Variants in ZNRF3 observed in about 807,000 individuals in gnomAD.
ZNRF3 encodes E3 ubiquitin-protein ligase ZNRF3.
Under a neutral mutation model 72.5 loss-of-function variants are expected in ZNRF3, and 23 were observed. The observed-to-expected ratio is 0.32, with a 90% CI of 0.23 to 0.45. The LOEUF is 0.45. Ranked by LOEUF, ZNRF3 falls within the 20% of genes least tolerant of loss-of-function variation. ZNRF3 has a pLI of 1.00. For missense variants in ZNRF3, 1,169 were observed against 1,272.1 expected, an observed-to-expected ratio of 0.92 and a Z score of 1.23; for synonymous variants, 610 against 545.3, an observed-to-expected ratio of 1.12 and a Z score of -1.65.
chr22:29,014,737 T>C (rs1166275930), intron 2 of ZNRF3, among the ~76,000 whole-genome samples: 1 of 152,224 alleles, frequency 6.6e-6, no homozygotes, highest in Non-Finnish European at 1.5e-5. Context: ...ATGGGGCTCC[T>C]GGTCAGTAGA....
rs530570836 is a variant in ZNRF3 at position 28,987,061 on chromosome 22, C to G, written c.301-15C>G. ...AGCTTGCCTGCTGAAGTTTTCTTTC[C>G]ATTTTATTTCCTAGATGCACCCACT... On this transcript the variant is annotated splice_polypyrimidine_tract_variant and intron_variant, in intron 1 of 8. Transcript: ENST00000544604. The G allele has an allele frequency of 3.7e-5, 59 of 1,600,600 alleles. No individual in the cohort carries two copies. In the African/African-American group the frequency reaches 5.0e-4, roughly 13 times the overall value.
At position 29,030,784 on chromosome 22, in the gene ZNRF3, G is replaced by T. The variant is rs2036733102; in HGVS notation, c.427-11711G>T. ...CCTGCAGGGCGGTACACGACGGGTG[G>T]GAGTGGGGAGGAGGAGGGCTCCTGG... is the stretch of plus-strand genomic sequence containing the variant. On this transcript the variant is annotated intron_variant, in intron 2 of 8. Coordinates refer to ENST00000544604, the MANE Select transcript of ZNRF3 (RefSeq NM_001206998.2). This position sits in a 1 kb window ranked among gnomAD's most constrained non-coding sequence, Gnocchi z 4.2. 1.3e-5 allele frequency among the ~76,000 whole-genome samples: 2 copies of T among 152,102 alleles called. No homozygotes were observed.
chr22:29,053,658 G>A lies in ZNRF3; in HGVS notation c.*36G>A, dbSNP rs771444558. 1.3e-6 allele frequency: 2 copies of A among 1,587,120 alleles called. No homozygotes were observed. Among genetic ancestry groups the A allele is most frequent in the Admixed American group, 1.9e-5 (1 of 53,178 alleles). ...AACTCTTACCTGGAAATTGGGAACT[G>A]TATGGAGACTCCAAACTGACTTCTT... On this transcript the variant is annotated 3_prime_UTR_variant, in exon 9 of 9. Transcript: ENST00000544604.
chr22:28,961,818 C>T (rs1278953547), intron 1 of ZNRF3, among the ~76,000 whole-genome samples: 1 of 152,210 alleles, frequency 6.6e-6, no homozygotes, highest in Non-Finnish European at 1.5e-5. Context: ...CTTGACCACC[C>T]ACTGGTATCT....
intron 2 of ZNRF3, among the ~76,000 whole-genome samples, chr22:29,003,211 G>A (rs140642304): frequency 9.2e-5 from 14 of 152,206 alleles, no homozygotes; most frequent in Admixed American, 3.3e-4. Flanking sequence ...TTCACTAAAG[G>A]TCAAAATAGA....
Position 29,049,057 on chromosome 22 carries a change from G to C in ZNRF3, c.1016-140G>C. The C allele has an allele frequency of 1.0e-6, 1 of 957,864 alleles. No homozygotes were observed. The highest frequency in any genetic ancestry group is 1.7e-5 in the South Asian group (1 of 60,274). 59.3% of individuals were successfully genotyped at this position (957,864 alleles called of 1,614,324 possible). ...AGCCTCTGCCGCTGCAGCTCAGTTT[G>C]GGGGCAGGGTTGTGAGAATGGGTAC... On this transcript the variant is annotated intron_variant, in intron 7 of 8. Transcript: ENST00000544604. This position sits in a 1 kb window ranked among gnomAD's most constrained non-coding sequence, Gnocchi z 5.2.
chr22:29,042,604 C>T, intron 3 of ZNRF3, 35 bp downstream of exon 3: 1 of 1,598,998 alleles, frequency 6.3e-7, no homozygotes, highest in Non-Finnish European at 8.6e-7. Context: ...ACTGCAGCCT[C>T]CCTGAGAAAG....
In ZNRF3 at chr22:29,047,300, C is replaced by T. The variant is rs146445738; in HGVS notation, c.912+417C>T. Among the ~76,000 whole-genome samples the T allele has an allele frequency of 7.3e-3, 1,117 of 152,244 alleles. 19 individuals are homozygous for T. Among genetic ancestry groups the T allele is most frequent in the African/African-American group, 0.026 (1,078 of 41,544 alleles). On this transcript the variant is annotated intron_variant, in intron 6 of 8. Transcript: ENST00000544604. Reference sequence around the variant, plus strand: ...CTTCAGAAAAGACTAGTACCATAGACGATATATGTCAGGGGCCTAGAATCA... The same window carrying T: ...CTTCAGAAAAGACTAGTACCATAGATGATATATGTCAGGGGCCTAGAATCA...
chr22:28,903,255 C>G (rs1327733926), intron 1 of ZNRF3, among the ~76,000 whole-genome samples: 3 of 152,202 alleles, frequency 2.0e-5, no homozygotes, highest in Non-Finnish European at 4.4e-5. Flanking sequence ...CACACACGCA[C>G]AGCTGGATGT....
chr22:28,935,160 T>C (rs1359561831), intron 1 of ZNRF3, among the ~76,000 whole-genome samples: 1 of 152,226 alleles, frequency 6.6e-6, no homozygotes, highest in Non-Finnish European at 1.5e-5. Context: ...TCTGGATTCT[T>C]CCTTTCTTTT....
rs561766076 is a variant in ZNRF3 at position 28,937,052 on chromosome 22, C to T, written c.301-50024C>T. Among the ~76,000 whole-genome samples, 219 of 151,830 alleles carry T rather than the reference C, an allele frequency of 1.4e-3. 1 individual carries two copies. The highest frequency in any genetic ancestry group is 5.1e-3 in the African/African-American group (209 of 41,276). On this transcript the variant is annotated intron_variant, in intron 1 of 8. Transcript: ENST00000544604. ...TTCTTTTTAAATTGTGCAAATGAGTCTCTATCTTTTAAACTCTTAGCTGTC... is the reference window on the plus strand; with the variant it reads ...TTCTTTTTAAATTGTGCAAATGAGTTTCTATCTTTTAAACTCTTAGCTGTC...
chr22:28,936,214 C>G (rs1464267728), intron 1 of ZNRF3, among the ~76,000 whole-genome samples: 1 of 152,138 alleles, frequency 6.6e-6, no homozygotes, highest in East Asian at 1.9e-4. Context: ...AAATGGTCTC[C>G]TCTCTGCACT....
At position 29,054,980 on chromosome 22, in the gene ZNRF3, C is replaced by CAGAG. The variant is rs137858476; in HGVS notation, c.*1370_*1373dup. 6.6e-6 allele frequency: 1 copy of CAGAG among 151,466 alleles called. No homozygotes were observed. The highest frequency in any genetic ancestry group is 1.9e-4 in the East Asian group (1 of 5,182). 9.4% of individuals were successfully genotyped at this position (151,466 alleles called of 1,614,324 possible). ...TATTATGTATTGATTCTCCATGAGA[C>CAGAG]AGAGAGAGAGAGAGACTATCAGATA... On this transcript the variant is annotated 3_prime_UTR_variant, in exon 9 of 9. Transcript: ENST00000544604.
intron 2 of ZNRF3, among the ~76,000 whole-genome samples, chr22:29,006,876 C>T (rs1351916209): frequency 1.3e-5 from 2 of 152,160 alleles, no homozygotes; most frequent in Admixed American, 6.5e-5. Context: ...GCCCAGGAGC[C>T]GCAGCATCCC....
At chr22:29,009,268 G>T (rs947198601) in intron 2 of ZNRF3, among the ~76,000 whole-genome samples, 1 of 152,126 alleles carries the variant, frequency 6.6e-6, no homozygotes, top group African/African-American at 2.4e-5. Flanking sequence ...TCCAGCAGTG[G>T]GGCTGGCAGG....
chr22:29,004,124 C>A (rs1177189055), intron 2 of ZNRF3, among the ~76,000 whole-genome samples: 1 of 152,258 alleles, frequency 6.6e-6, no homozygotes, highest in Non-Finnish European at 1.5e-5. Flanking sequence ...AGGGACAAAG[C>A]CTGCCCTGCT....
intron 2 of ZNRF3, among the ~76,000 whole-genome samples, chr22:29,038,483 C>A (rs1471739769): frequency 6.6e-6 from 1 of 152,016 alleles, no homozygotes; most frequent in Non-Finnish European, 1.5e-5. Context: ...CAGGTGAATG[C>A]CACCATGCCT....
At chr22:29,024,992 T>TTTC (rs1255505818) in intron 2 of ZNRF3, 2 of 148,736 alleles carry the variant, frequency 1.3e-5, no homozygotes, top group Admixed American at 6.7e-5. Context: ...TTTTTTTTTT[T>TTTC]TTTTTTGAAG....
Position 29,053,591 on chromosome 22 carries a change from A to C in ZNRF3, c.2780A>C (p.His927Pro). The C allele has an allele frequency of 2.5e-6, 4 of 1,613,702 alleles. No homozygotes were observed. Among genetic ancestry groups the C allele is most frequent in the Non-Finnish European group, 3.4e-6 (4 of 1,179,752 alleles). The change falls in exon 9 of 9, where the codon CAC becomes CCC. Residue 927 changes from histidine to proline, a missense_variant. Physicochemically the swap from His to Pro is moderately conservative, Grantham distance 77 (BLOSUM62 -2). This residue lies in a region of ZNRF3 where 783 missense variants were observed against 731.4 expected (regional missense o/e 1.07). Coordinates refer to ENST00000544604, the MANE Select transcript of ZNRF3 (RefSeq NM_001206998.2). Reference sequence around the variant, plus strand: ...CTCTCTTTCCCAGGACCGAGATCTCACTCAGCAGACAGCAGCAGCCCGGGA... The same window carrying C: ...CTCTCTTTCCCAGGACCGAGATCTCCCTCAGCAGACAGCAGCAGCCCGGGA... ...TATEAAGPRS[H>P]SADSSSPGA
Sources: gnomAD v4.1 joint callset for allele counts (sites outside exome capture counted in the v4.1 genomes callset) on GRCh38, gnomAD v4.1.1 for gene constraint, gnomAD v4.1.1 regional missense constraint, Gnocchi (gnomAD v3.1) non-coding constraint, MANE v1.5 for transcripts, NCBI Gene and HGNC (gene_info 2026-07-23, HGNC 2026-07-21) for gene names.